MAMDC2: variants seen among roughly 807,000 people sequenced by gnomAD.
The protein encoded by MAMDC2 is MAM domain containing 2, also known as MAM domain-containing protein 2.
Under a neutral mutation model 89.8 loss-of-function variants are expected in MAMDC2, and 57 were observed. The ratio of observed to expected loss-of-function variants is 0.63; its 90% confidence interval spans 0.51 to 0.79. MAMDC2 has a LOEUF of 0.79. Ranked by LOEUF, MAMDC2 falls within the 30% of genes least tolerant of loss-of-function variation. MAMDC2 has a pLI of 0.00. For missense variants in MAMDC2, 800 were observed against 820.6 expected (o/e 0.97, Z 0.31); for synonymous variants, 313 against 293.4 (o/e 1.07, Z -0.68).
At chr9:70,083,675 A>G (rs1587454832) in intron 2 of MAMDC2, 1 of 149,248 alleles carries the variant, frequency 6.7e-6, no homozygotes, top group Admixed American at 6.8e-5. Flanking sequence ...ATGCTTACGC[A>G]TGATTTCTTC....
chr9:70,225,142 A>G (rs992894020), intron 12 of MAMDC2, among the ~76,000 whole-genome samples: 7 of 152,116 alleles, frequency 4.6e-5, no homozygotes, highest in Non-Finnish European at 7.3e-5. Flanking sequence ...TACAACCACA[A>G]TATCTGATCA....
chr9:70,101,405 G>A (rs2997704), intron 2 of MAMDC2, among the ~76,000 whole-genome samples: 9,740 of 152,162 alleles, frequency 0.064, 991 homozygotes, highest in African/African-American at 0.21. Flanking sequence ...TACAGTGTTT[G>A]TAAGTCTACA....
intron 2 of MAMDC2, among the ~76,000 whole-genome samples, chr9:70,096,170 G>C (rs755463894): frequency 2.0e-5 from 3 of 152,002 alleles, no homozygotes; most frequent in Non-Finnish European, 2.9e-5. Flanking sequence ...GACCACAGGT[G>C]CCATGCCTGG....
intron 11 of MAMDC2, chr9:70,194,180 C>T (rs1310399703): frequency 6.6e-6 from 1 of 152,108 alleles, no homozygotes; most frequent in East Asian, 1.9e-4. Flanking sequence ...CATTTGCTGC[C>T]TGCATAACCT....
intron 9 of MAMDC2, among the ~76,000 whole-genome samples, chr9:70,149,072 A>G (rs2031502074): frequency 2.2e-5 from 3 of 134,346 alleles, no homozygotes; most frequent in Non-Finnish European, 4.9e-5. Flanking sequence ...TTAGCCAGGC[A>G]TGGTGGTGCA....
At chr9:70,190,291 G>A (rs1483725987) in intron 11 of MAMDC2, among the ~76,000 whole-genome samples, 6 of 152,138 alleles carry the variant, frequency 3.9e-5, no homozygotes, top group Non-Finnish European at 1.5e-5. Context: ...TGTTTGCTTA[G>A]TGACTTTCCT....
intron 5 of MAMDC2, 134 bp downstream of exon 5, chr9:70,113,266 T>C: frequency 1.0e-6 from 1 of 975,978 alleles, no homozygotes; most frequent in Non-Finnish European, 1.5e-6. Context: ...AGGAACTAAG[T>C]AGGAACCAGG....
intron 2 of MAMDC2, among the ~76,000 whole-genome samples, chr9:70,053,123 G>A (rs532397816): frequency 2.6e-5 from 4 of 152,266 alleles, no homozygotes; most frequent in African/African-American, 7.2e-5. Context: ...CCACCTTGAT[G>A]GTTAAAAGCA....
chr9:70,084,843 C>T (rs150949310), intron 2 of MAMDC2, among the ~76,000 whole-genome samples: 124 of 151,706 alleles, frequency 8.2e-4, no homozygotes, highest in Middle Eastern at 3.4e-3. Context: ...GGTAACAGTA[C>T]GTGGCCAGAA....
intron 9 of MAMDC2, among the ~76,000 whole-genome samples, chr9:70,166,348 C>T (rs963856807): frequency 2.7e-5 from 4 of 150,200 alleles, no homozygotes; most frequent in Non-Finnish European, 5.9e-5. Context: ...CATATATATA[C>T]ACACACACAC....
intron 2 of MAMDC2, among the ~76,000 whole-genome samples, chr9:70,102,563 C>T (rs191032505): frequency 7.7e-4 from 117 of 152,288 alleles, no homozygotes; most frequent in Admixed American, 4.1e-3. Context: ...GGCTTGGCTT[C>T]ACTTAAACAG....
intron 11 of MAMDC2, among the ~76,000 whole-genome samples, chr9:70,196,186 A>G (rs1208875156): frequency 3.9e-5 from 6 of 152,094 alleles, no homozygotes; most frequent in East Asian, 1.9e-4. Flanking sequence ...TCATGATTCA[A>G]TTCTCTCCAC....
intron 11 of MAMDC2, among the ~76,000 whole-genome samples, chr9:70,181,792 C>T (rs190104054): frequency 6.6e-6 from 1 of 152,232 alleles, no homozygotes; most frequent in Non-Finnish European, 1.5e-5. Context: ...ACAATCATGT[C>T]ATCTGCAAAA....
chr9:70,162,678 G>C (rs931761337), intron 9 of MAMDC2, among the ~76,000 whole-genome samples: 4 of 151,916 alleles, frequency 2.6e-5, no homozygotes, highest in African/African-American at 4.8e-5. Context: ...TTTTAGTAGA[G>C]AGGGGGTTTT....
At chr9:70,200,545 G>C (rs1287183066) in intron 11 of MAMDC2, among the ~76,000 whole-genome samples, 3 of 151,486 alleles carry the variant, frequency 2.0e-5, no homozygotes. Flanking sequence ...GCTCTTTTTT[G>C]GTTCCATACG....
chr9:70,185,868 T>C (rs866394152), intron 11 of MAMDC2, among the ~76,000 whole-genome samples: 3 of 152,130 alleles, frequency 2.0e-5, no homozygotes, highest in South Asian at 2.1e-4. Flanking sequence ...TGGCTTCAGC[T>C]CCCTTTCCAG....
chr9:70,176,640 T>C (rs2032511169), intron 11 of MAMDC2, among the ~76,000 whole-genome samples: 1 of 152,186 alleles, frequency 6.6e-6, no homozygotes. Context: ...TCAATATAGA[T>C]TTTCAAAAAT....
At chr9:70,093,111 G>C (rs1245028558) in intron 2 of MAMDC2, among the ~76,000 whole-genome samples, 1 of 151,952 alleles carries the variant, frequency 6.6e-6, no homozygotes, top group African/African-American at 2.4e-5. Context: ...TTATGTATCT[G>C]TACTATAGTG....
intron 2 of MAMDC2, among the ~76,000 whole-genome samples, chr9:70,102,701 T>C (rs940293122): frequency 6.6e-6 from 1 of 151,186 alleles, no homozygotes; most frequent in Non-Finnish European, 1.5e-5. Context: ...TGACTTACTT[T>C]TTAAAAAAAT....
Sources: allele counts gnomAD v4.1 joint callset (sites outside exome capture counted in the v4.1 genomes callset), GRCh38; gene constraint gnomAD v4.1.1; transcripts MANE v1.5; gene names NCBI Gene and HGNC (gene_info 2026-07-23, HGNC 2026-07-21).